Variants in CACNA1D observed in about 807,000 individuals in gnomAD.
The protein encoded by CACNA1D is voltage-dependent L-type calcium channel subunit alpha-1D.
In CACNA1D, 55 loss-of-function variants were observed where a neutral mutation model predicts 257.1. That is an observed-to-expected ratio of 0.21 (90% CI 0.17 to 0.27). The LOEUF is 0.27. Among genes scored for constraint, CACNA1D ranks in the 10% least tolerant of loss-of-function variants. The pLI, the probability that CACNA1D is intolerant of heterozygous loss-of-function variation, is 1.00. For missense variants in CACNA1D, 1,876 were observed against 2,784.0 expected, an observed-to-expected ratio of 0.67 and a Z score of 7.34; for synonymous variants, 980 against 1,014.9, an observed-to-expected ratio of 0.97 and a Z score of 0.65.
At chr3:53,729,722 G>T (rs891283894) in intron 15 of CACNA1D, among the ~76,000 whole-genome samples, 4 of 152,204 alleles carry the variant, frequency 2.6e-5, no homozygotes, top group Non-Finnish European at 5.9e-5. Flanking sequence ...AACTGGAACT[G>T]CAATGAGCCT....
chr3:53,747,238 A>AAG, intron 25 of CACNA1D, 64 bp from the exon 26 acceptor site: 2 of 1,490,216 alleles, frequency 1.3e-6, no homozygotes, highest in Non-Finnish European at 1.9e-6. Flanking sequence ...AGTGTGTCCA[A>AAG]CTTTACGCTG....
chr3:53,533,739 C>G (rs1015196050), intron 3 of CACNA1D, among the ~76,000 whole-genome samples: 2 of 152,166 alleles, frequency 1.3e-5, no homozygotes, highest in East Asian at 3.9e-4. Context: ...TGCTCCTGGA[C>G]AGGGAAGGAT....
At chr3:53,655,962 A>T (rs887154624) in intron 4 of CACNA1D, among the ~76,000 whole-genome samples, 1 of 152,132 alleles carries the variant, frequency 6.6e-6, no homozygotes, top group African/African-American at 2.4e-5. Flanking sequence ...TGTATATAGT[A>T]TAAGAAAAGG....
intron 3 of CACNA1D, among the ~76,000 whole-genome samples, chr3:53,641,639 G>A (rs554975872): frequency 1.3e-5 from 2 of 152,292 alleles, no homozygotes; most frequent in South Asian, 4.1e-4. Flanking sequence ...GGAGCTCAGA[G>A]TCCATGTCCC....
intron 8 of CACNA1D, among the ~76,000 whole-genome samples, chr3:53,684,905 G>T (rs1389024178): frequency 6.6e-6 from 1 of 151,814 alleles, no homozygotes; most frequent in Non-Finnish European, 1.5e-5. Context: ...CTTAAAAGGG[G>T]TACTAAAAAG....
At chr3:53,728,302 C>A (rs1247883526) in intron 15 of CACNA1D, among the ~76,000 whole-genome samples, 2 of 152,112 alleles carry the variant, frequency 1.3e-5, no homozygotes, top group Non-Finnish European at 2.9e-5. Context: ...CCATGCCCAG[C>A]TAATTTTTGC....
intron 3 of CACNA1D, among the ~76,000 whole-genome samples, chr3:53,584,117 T>A (rs1248500728): frequency 2.6e-5 from 4 of 152,158 alleles, no homozygotes; most frequent in Non-Finnish European, 5.9e-5. Context: ...GCTCATGGAT[T>A]GTCTCTCTAT....
chr3:53,619,457 T>C (rs1414704706), intron 3 of CACNA1D, among the ~76,000 whole-genome samples: 1 of 152,246 alleles, frequency 6.6e-6, no homozygotes, highest in Non-Finnish European at 1.5e-5. Context: ...TTATAACCAG[T>C]GCTCCTAAAT....
At position 53,497,413 on chromosome 3, in the gene CACNA1D, C is replaced by T; in HGVS notation, c.329C>T (p.Ser110Leu). 6.2e-7 allele frequency: 1 copy of T among 1,614,206 alleles called. No homozygotes were observed. Among genetic ancestry groups the T allele is most frequent in the Non-Finnish European group, 8.5e-7 (1 of 1,180,038 alleles). Residue 110 changes from serine to leucine, a missense_variant, in exon 2 of 48, where the codon TCA (serine) becomes TTA (leucine). Ser to Leu is a moderately radical substitution (Grantham distance 145). Transcript: ENST00000350061. Reference protein sequence around the residue: ...SRPARALFCLSLNNPIRRACI... With the variant: ...SRPARALFCLLLNNPIRRACI... ...CCTGCCCGCGCCCTTTTCTGTTTAT[C>T]ACTCAATAACCCCATCCGAAGAGCC...
intron 31 of CACNA1D, among the ~76,000 whole-genome samples, 180 bp downstream of exon 31, chr3:53,770,197 C>T (rs551392055): frequency 1.3e-5 from 2 of 152,360 alleles, no homozygotes; most frequent in South Asian, 4.1e-4. Flanking sequence ...TCTCCTCTAA[C>T]ACAGTAGAAT....
chr3:53,556,518 C>T (rs898933290), intron 3 of CACNA1D, among the ~76,000 whole-genome samples: 9 of 152,066 alleles, frequency 5.9e-5, no homozygotes, highest in Admixed American at 2.6e-4. Context: ...TTATTTCATG[C>T]GCTTATTTGC....
intron 3 of CACNA1D, among the ~76,000 whole-genome samples, chr3:53,619,985 CA>C (rs1225704343): frequency 2.0e-5 from 3 of 152,236 alleles, no homozygotes; most frequent in African/African-American, 7.2e-5. Context: ...AGACAGTTAA[CA>C]AGGATAATCA....
intron 3 of CACNA1D, among the ~76,000 whole-genome samples, chr3:53,508,172 C>A (rs554931794): frequency 6.6e-6 from 1 of 151,942 alleles, no homozygotes; most frequent in Non-Finnish European, 1.5e-5. Flanking sequence ...TTTTAAGTTC[C>A]GGGATACATG....
intron 3 of CACNA1D, among the ~76,000 whole-genome samples, chr3:53,609,708 A>T (rs2093559462): frequency 6.6e-6 from 1 of 151,992 alleles, no homozygotes; most frequent in Admixed American, 6.6e-5. Context: ...ATGTTGAAAA[A>T]ACCACCTTTT....
At chr3:53,546,164 T>C (rs1344445949) in intron 3 of CACNA1D, among the ~76,000 whole-genome samples, 1 of 152,250 alleles carries the variant, frequency 6.6e-6, no homozygotes, top group African/African-American at 2.4e-5. Context: ...ATGAGGGCTG[T>C]GGCTGTGGCC....
At chr3:53,584,358 A>AT (rs1277724668) in intron 3 of CACNA1D, among the ~76,000 whole-genome samples, 1 of 152,222 alleles carries the variant, frequency 6.6e-6, no homozygotes, top group African/African-American at 2.4e-5. Flanking sequence ...GTGCGCTGGC[A>AT]TGGGGCTGGG....
At chr3:53,520,840 T>C (rs1396306729) in intron 3 of CACNA1D, among the ~76,000 whole-genome samples, 4 of 151,842 alleles carry the variant, frequency 2.6e-5, no homozygotes, top group African/African-American at 9.7e-5. Context: ...GATTTATGAT[T>C]TGCAAACTCC....
chr3:53,787,076 C>A, intron 40 of CACNA1D, 124 bp downstream of exon 40: 1 of 962,140 alleles, frequency 1.0e-6, no homozygotes, highest in Non-Finnish European at 1.6e-6. Context: ...AACTGAGATA[C>A]TACACACTCC....
chr3:53,702,540 G>A (rs2094637452), intron 8 of CACNA1D, 101 bp from the exon 9 acceptor site: 2 of 1,098,720 alleles, frequency 1.8e-6, no homozygotes, highest in African/African-American at 1.5e-5. Context: ...ACTCAGTGCT[G>A]TGTGTCCTGC....
Sources: allele counts gnomAD v4.1 joint callset (sites outside exome capture counted in the v4.1 genomes callset), GRCh38; gene constraint gnomAD v4.1.1; transcripts MANE v1.5; gene names NCBI Gene and HGNC (gene_info 2026-07-23, HGNC 2026-07-21).